SHOC2: variants seen among roughly 807,000 people sequenced by gnomAD.
The protein encoded by SHOC2 is SHOC2 leucine rich repeat scaffold protein.
A neutral mutation model predicts 50.2 loss-of-function variants in SHOC2; 4 were observed. That is an observed-to-expected ratio of 0.08 (90% confidence interval 0.04 to 0.18). SHOC2 has a LOEUF of 0.18. Among genes scored for constraint, SHOC2 ranks in the 10% least tolerant of loss-of-function variants. SHOC2 has a pLI of 1.00. For missense variants in SHOC2, 388 were observed against 669.6 expected, an observed-to-expected ratio of 0.58 and a Z score of 4.64; for synonymous variants, 218 against 244.5, an observed-to-expected ratio of 0.89 and a Z score of 1.01.
At chr10:110,919,889 C>A (rs1300214006) in intron 1 of SHOC2, 2 of 340,246 alleles carry the variant, frequency 5.9e-6, no homozygotes, top group Non-Finnish European at 5.3e-6. Context: ...GGAGCCGGCT[C>A]GCGTGGGAGC....
Position 110,942,545 on chromosome 10 carries a change from T to C in SHOC2, c.-234-21580T>C, listed in dbSNP as rs371552199. Among the ~76,000 whole-genome samples the C allele has an allele frequency of 1.7e-4, 26 of 152,282 alleles. No homozygotes were observed. In the East Asian group the frequency reaches 3.3e-3, roughly 19 times the overall value. On this transcript the variant is annotated intron_variant, in intron 1 of 8. Transcript: ENST00000369452. ...TTTTGAATTAACAGGCTCATTTCCT[T>C]TATTTTCAAGAAAATGTCTGCCAAA...
At chr10:110,930,735 C>CTTTTT (rs772553111) in intron 1 of SHOC2, among the ~76,000 whole-genome samples, 5 of 96,806 alleles carry the variant, frequency 5.2e-5, no homozygotes, top group Non-Finnish European at 6.3e-5. Flanking sequence ...ACGAGTAAAT[C>CTTTTT]TTTTTTTTTT....
At chr10:110,927,921 C>T (rs1416464218) in intron 1 of SHOC2, among the ~76,000 whole-genome samples, 7 of 152,130 alleles carry the variant, frequency 4.6e-5, no homozygotes, top group African/African-American at 1.7e-4. Context: ...TTTTAAAACA[C>T]AATACTCTTT....
intron 3 of SHOC2, among the ~76,000 whole-genome samples, chr10:110,986,077 GTTA>G (rs1194052196): frequency 2.0e-5 from 3 of 152,124 alleles, no homozygotes; most frequent in African/African-American, 7.2e-5. Flanking sequence ...TGAGTTGCAT[GTTA>G]TTATACTGGG....
intron 2 of SHOC2, among the ~76,000 whole-genome samples, chr10:110,980,779 A>T (rs1298467570): frequency 6.6e-6 from 1 of 151,416 alleles, no homozygotes; most frequent in Non-Finnish European, 1.5e-5. Context: ...CCTGGGTCTC[A>T]GTTCAAATAT....
chr10:110,983,276 A>C (rs1355489558), intron 2 of SHOC2, among the ~76,000 whole-genome samples: 1 of 151,972 alleles, frequency 6.6e-6, no homozygotes, highest in Non-Finnish European at 1.5e-5. Context: ...CCACCAAAAA[A>C]CTATCTTATA....
At chr10:110,923,097 C>T (rs1054124372) in intron 1 of SHOC2, among the ~76,000 whole-genome samples, 3 of 151,976 alleles carry the variant, frequency 2.0e-5, no homozygotes, top group African/African-American at 7.2e-5. Flanking sequence ...AACTGCTTGG[C>T]CTTCTGAATT....
chr10:110,949,789 C>A (rs1328347165), intron 1 of SHOC2, among the ~76,000 whole-genome samples: 2 of 152,062 alleles, frequency 1.3e-5, no homozygotes, highest in African/African-American at 4.8e-5. Flanking sequence ...TATGCAAGAA[C>A]CAATAAATGA....
At position 110,923,155 on chromosome 10, in the gene SHOC2, C is replaced by CT. The variant is rs534859255; in HGVS notation, c.-235+3504dup. On this transcript the variant is annotated intron_variant, in intron 1 of 8. Coordinates refer to ENST00000369452, the MANE Select transcript of SHOC2 (RefSeq NM_007373.4). ...TGCATCAAAGTTGTGCCCTGTAGATCTTTTTTGAAATATTTTCTCTTAATA... is the reference window on the plus strand; with the variant it reads ...TGCATCAAAGTTGTGCCCTGTAGATCTTTTTTTGAAATATTTTCTCTTAATA... Among the ~76,000 whole-genome samples, 484 of 151,990 alleles carry CT rather than the reference C, an allele frequency of 3.2e-3. 26 individuals are homozygous for CT. The South Asian group carries it at 0.093, about 29-fold the overall frequency.
At chr10:110,995,071 C>A (rs1224645779) in intron 3 of SHOC2, among the ~76,000 whole-genome samples, 1 of 152,082 alleles carries the variant, frequency 6.6e-6, no homozygotes, top group Non-Finnish European at 1.5e-5. Flanking sequence ...TTTTTATGGG[C>A]CTTTCATATA....
chr10:110,937,259 C>CTTTT, intron 1 of SHOC2: 1 of 738,898 alleles, frequency 1.4e-6, no homozygotes, highest in East Asian at 2.7e-5. Context: ...GGGAAAGCTG[C>CTTTT]TTTTTTTTTT....
At position 110,971,373 on chromosome 10, in the gene SHOC2, A is replaced by T. The variant is rs188753747; in HGVS notation, c.703+6312A>T. The stretch of plus-strand genomic sequence containing the variant: ...GTATCAGTTGGCTGTAAATATGTGG[A>T]TTTATTTCTGGGTTCTCTACTCTAT... On this transcript the variant is annotated intron_variant, in intron 2 of 8. Coordinates refer to ENST00000369452, the MANE Select transcript of SHOC2 (RefSeq NM_007373.4). Among the ~76,000 whole-genome samples the T allele has an allele frequency of 5.2e-4, 79 of 151,786 alleles. 1 individual carries two copies. The highest frequency in any genetic ancestry group is 1.0e-3 in the Non-Finnish European group (71 of 67,920).
chr10:110,938,463 T>G (rs1847071970), intron 1 of SHOC2, among the ~76,000 whole-genome samples: 1 of 152,152 alleles, frequency 6.6e-6, no homozygotes, highest in African/African-American at 2.4e-5. Context: ...ACATTTTTAA[T>G]AATTTATAAT....
intron 1 of SHOC2, among the ~76,000 whole-genome samples, chr10:110,923,212 A>C (rs1030226899): frequency 6.6e-6 from 1 of 152,006 alleles, no homozygotes; most frequent in Non-Finnish European, 1.5e-5. Flanking sequence ...GACTGTGTAA[A>C]CTGACTTTTA....
At chr10:110,948,244 C>G (rs932041033) in intron 1 of SHOC2, among the ~76,000 whole-genome samples, 1 of 152,070 alleles carries the variant, frequency 6.6e-6, no homozygotes, top group Non-Finnish European at 1.5e-5. Flanking sequence ...AGCCAAGATT[C>G]TAAAATCTTA....
intron 2 of SHOC2, among the ~76,000 whole-genome samples, chr10:110,975,776 T>C (rs568970772): frequency 3.7e-4 from 57 of 152,330 alleles, no homozygotes; most frequent in African/African-American, 1.4e-3. Context: ...CAGCTTCTGC[T>C]GTGCTTCTCC....
At chr10:111,008,276 C>T (rs1848506172) in intron 6 of SHOC2, among the ~76,000 whole-genome samples, 1 of 150,426 alleles carries the variant, frequency 6.6e-6, no homozygotes, top group African/African-American at 2.5e-5. Flanking sequence ...GTTTTCATCC[C>T]TTTGATGAAA....
At chr10:110,919,372 A>C, upstream of SHOC2, 3 of 379,588 alleles carry the variant, frequency 7.9e-6, no homozygotes, top group Non-Finnish European at 9.3e-6. Flanking sequence ...GAACTGAGGA[A>C]AGGACAAGGG....
At chr10:110,990,961 G>T (rs1848175659) in intron 3 of SHOC2, among the ~76,000 whole-genome samples, 1 of 152,000 alleles carries the variant, frequency 6.6e-6, no homozygotes, top group African/African-American at 2.4e-5. Flanking sequence ...GTAAATTCTA[G>T]CCTTGAGATC....
Sources: allele counts gnomAD v4.1 joint callset (sites outside exome capture counted in the v4.1 genomes callset), GRCh38; gene constraint gnomAD v4.1.1; transcripts MANE v1.5; gene names NCBI Gene and HGNC (gene_info 2026-07-23, HGNC 2026-07-21).